ZNF462: variants seen among roughly 807,000 people sequenced by gnomAD.
ZNF462 encodes zinc finger PBX1-interacting protein.
A neutral mutation model predicts 201.9 loss-of-function variants in ZNF462; 10 were observed. The ratio of observed to expected loss-of-function variants is 0.05; its 90% CI spans 0.03 to 0.08. The LOEUF (loss-of-function observed/expected upper bound fraction) is 0.08, where lower values mean the gene tolerates loss of function less well. Among genes scored for constraint, ZNF462 ranks in the 10% least tolerant of loss-of-function variants. The probability of loss-of-function intolerance (pLI) is 1.00; values close to 1 mark genes in which losing one functional copy is unlikely to be tolerated. For synonymous variants in ZNF462, 1,227 were observed against 1,193.3 expected (o/e 1.03, Z -0.58); for missense variants, 2,523 against 3,168.3 (o/e 0.80, Z 4.89).
At chr9:106,892,962 G>A (rs1828653704) in intron 1 of ZNF462, among the ~76,000 whole-genome samples, 5 of 152,138 alleles carry the variant, frequency 3.3e-5, no homozygotes, top group Admixed American at 3.3e-4. Flanking sequence ...TTGGAACTAG[G>A]GGGAAGATGA....
intron 9 of ZNF462, chr9:106,976,305 A>G (rs1226344195): frequency 6.6e-6 from 1 of 152,200 alleles, no homozygotes; most frequent in Non-Finnish European, 1.5e-5. Flanking sequence ...AAAGAAACCC[A>G]CAGAAGCAAC....
rs1196162658 is a variant in ZNF462 at position 106,968,163 on chromosome 9, A to G, written c.6428-3842A>G. On this transcript the variant is annotated intron_variant, in intron 7 of 12. Coordinates refer to ENST00000277225, the MANE Select transcript of ZNF462 (RefSeq NM_021224.6). This position sits in a 1 kb window ranked among gnomAD's most constrained non-coding sequence, Gnocchi z 4.0. ...CACAAGACTCAGACTTTATAATCAG[A>G]CAGGTCTTTGTTCAAATCCTACCTC... 2.0e-5 allele frequency among the ~76,000 whole-genome samples: 3 copies of G among 152,146 alleles called. No individual in the cohort carries two copies. The highest frequency in any genetic ancestry group is 3.9e-4 in the East Asian group (2 of 5,176).
At chr9:106,897,229 T>C (rs1411550901) in intron 1 of ZNF462, among the ~76,000 whole-genome samples, 1 of 152,222 alleles carries the variant, frequency 6.6e-6, no homozygotes, top group Non-Finnish European at 1.5e-5. Flanking sequence ...TATATTTGCA[T>C]CATATTATTA....
chr9:106,929,848 C>T lies in ZNF462; in HGVS notation c.5847+89C>T. The T allele has an allele frequency of 6.5e-6, 8 of 1,230,924 alleles. No homozygotes were observed. The highest frequency in any genetic ancestry group is 9.1e-6 in the Non-Finnish European group (8 of 878,922). 76.3% of individuals were successfully genotyped at this position (1,230,924 alleles called of 1,614,324 possible). A position where few individuals can be genotyped will look rare whatever the true frequency, so the allele number is the denominator to read the frequency against. ...TTCTTCGTTGCCAGCCAAACTGCTG[C>T]AGGCTTCCTAGTGACTTAGCTTGCC... is the stretch of plus-strand genomic sequence containing the variant. On this transcript the variant is annotated intron_variant, in intron 3 of 12. Transcript: ENST00000277225. This position sits in a 1 kb window ranked among gnomAD's most constrained non-coding sequence, Gnocchi z 8.7.
At chr9:106,862,080 C>A (rs915276917), upstream of ZNF462, among the ~76,000 whole-genome samples, 2 of 152,170 alleles carry the variant, frequency 1.3e-5, no homozygotes, top group African/African-American at 2.4e-5. The surrounding 1 kb of genome is among the most constrained non-coding windows in gnomAD (Gnocchi z 4.2). Context: ...TCCACCCCCC[C>A]ACCTTCCATA....
At position 106,902,524 on chromosome 9, in the gene ZNF462, A is replaced by T. The variant is rs1378401336; in HGVS notation, c.-30-20830A>T. Among the ~76,000 whole-genome samples the T allele has an allele frequency of 6.6e-6, 1 of 152,166 alleles. No homozygotes were observed. Among genetic ancestry groups the T allele is most frequent in the East Asian group, 1.9e-4 (1 of 5,192 alleles). ...ACAAATTCTTTTTTGAATGTCTCGT[A>T]GAATTCTGCTGTGAATCCATCTGGT... On this transcript the variant is annotated intron_variant, in intron 1 of 12. Transcript: ENST00000277225. The surrounding 1 kb of genome is among the most constrained non-coding windows in gnomAD (Gnocchi z 4.2).
rs765298344 is a variant in ZNF462 at position 106,883,196 on chromosome 9, TAAGC to T, written c.-31+19846_-31+19849del. Among the ~76,000 whole-genome samples the T allele has an allele frequency of 1.4e-4, 21 of 152,362 alleles. No homozygotes were observed. Among genetic ancestry groups the T allele is most frequent in the Middle Eastern group, 3.4e-3 (1 of 294 alleles). On this transcript the variant is annotated intron_variant, in intron 1 of 12. Coordinates refer to ENST00000277225, the MANE Select transcript of ZNF462 (RefSeq NM_021224.6). The surrounding 1 kb of genome is among the most constrained non-coding windows in gnomAD (Gnocchi z 4.9). ...GACATATTCTGAAGAGCCAGCTCATTAAGCAAGCTTTTGAAGGGTGTGCGCTGCA... is the reference window on the plus strand; with the variant it reads ...GACATATTCTGAAGAGCCAGCTCATTAAGCTTTTGAAGGGTGTGCGCTGCA...
At chr9:106,915,929 A>G (rs558043711) in intron 1 of ZNF462, among the ~76,000 whole-genome samples, 150 of 152,324 alleles carry the variant, frequency 9.8e-4, no homozygotes, top group African/African-American at 3.5e-3. Flanking sequence ...GGGTTATTAC[A>G]TCAGGGGCTG....
rs377279010 is a variant in ZNF462, at chr9:106,925,937, C to T, written c.2025C>T (p.Ala675=). 2 of 1,613,984 alleles carry T rather than the reference C, an allele frequency of 1.2e-6. No homozygotes were observed. Among genetic ancestry groups the T allele is most frequent in the Non-Finnish European group, 1.7e-6 (2 of 1,180,030 alleles). The change falls in exon 3 of 13, where the codon GCC becomes GCT. Residue 675 remains alanine (A), a synonymous_variant. Coordinates refer to ENST00000277225, the MANE Select transcript of ZNF462 (RefSeq NM_021224.6). The surrounding 1 kb of genome is among the most constrained non-coding windows in gnomAD (Gnocchi z 7.9). Reference sequence around the variant, plus strand: ...CCAAGAACAATTTTGTAGCTAAAGCCTCTAGGAAGCTCGCCAATGACTTTC... The same window carrying T: ...CCAAGAACAATTTTGTAGCTAAAGCTTCTAGGAAGCTCGCCAATGACTTTC... ...LSSKNNFVAK[A]SRKLANDFPL...
intron 1 of ZNF462, among the ~76,000 whole-genome samples, chr9:106,881,160 C>G (rs1057355725): frequency 1.3e-5 from 2 of 152,160 alleles, no homozygotes; most frequent in African/African-American, 4.8e-5. Context: ...TGACCCTGCT[C>G]CATCATCAGT....
At chr9:106,896,474 AC>A (rs1015188998) in intron 1 of ZNF462, among the ~76,000 whole-genome samples, 4 of 151,900 alleles carry the variant, frequency 2.6e-5, no homozygotes, top group African/African-American at 9.7e-5. Context: ...CAGATTTCCC[AC>A]CTAATCTCGG....
chr9:106,924,753 G>A lies in ZNF462; in HGVS notation c.841G>A (p.Glu281Lys). 1 of 1,614,102 alleles carries A rather than the reference G, an allele frequency of 6.2e-7. No individual in the cohort carries two copies. The highest frequency in any genetic ancestry group is 8.5e-7 in the Non-Finnish European group (1 of 1,180,034). Residue 281 changes from glutamate to lysine, a missense_variant, in exon 3 of 13, where the codon GAA becomes AAA. Around this residue, in one of 15 missense-constraint regions of ZNF462, gnomAD observed 480 missense variants for 544.4 expected, o/e 0.88. Transcript: ENST00000277225. The surrounding 1 kb of genome is among the most constrained non-coding windows in gnomAD (Gnocchi z 6.2). ...KILSSLRQQQ[E>K]GTNLPDVPNK... Reference sequence around the variant, plus strand: ...CCTTTCCAGTCTCAGACAGCAACAAGAAGGAACTAATCTACCTGATGTGCC... The same window carrying A: ...CCTTTCCAGTCTCAGACAGCAACAAAAAGGAACTAATCTACCTGATGTGCC...
At chr9:106,915,739 A>G (rs1475276774) in intron 1 of ZNF462, among the ~76,000 whole-genome samples, 2 of 152,204 alleles carry the variant, frequency 1.3e-5, no homozygotes, top group African/African-American at 2.4e-5. Flanking sequence ...ACTTGAAAGC[A>G]TTTACGGTCT....
At chr9:106,875,239 C>A (rs1354475548) in intron 1 of ZNF462, among the ~76,000 whole-genome samples, 1 of 152,036 alleles carries the variant, frequency 6.6e-6, no homozygotes, top group Non-Finnish European at 1.5e-5. Context: ...TTGTCTGTGA[C>A]CATGCACATA....
intron 1 of ZNF462, among the ~76,000 whole-genome samples, chr9:106,863,872 G>A (rs1405453402): frequency 6.6e-6 from 1 of 151,968 alleles, no homozygotes; most frequent in Non-Finnish European, 1.5e-5. Context: ...CAGAGGGAGC[G>A]AGCGAGGGTC....
chr9:106,971,809 A>G (rs905581663), intron 7 of ZNF462, among the ~76,000 whole-genome samples, 196 bp from the exon 8 acceptor site: 1 of 152,170 alleles, frequency 6.6e-6, no homozygotes, highest in African/African-American at 2.4e-5. Context: ...CATTAAATTG[A>G]TTGTGGTCAT....
chr9:106,914,022 C>T (rs1829662776), intron 1 of ZNF462, among the ~76,000 whole-genome samples: 1 of 116,408 alleles, frequency 8.6e-6, no homozygotes, highest in African/African-American at 3.8e-5. Context: ...CATGCCTTCG[C>T]CTAGGATTTT....
chr9:106,908,943 T>TATATA (rs1564090931), intron 1 of ZNF462, among the ~76,000 whole-genome samples: 3 of 17,686 alleles, frequency 1.7e-4, no homozygotes, highest in Non-Finnish European at 2.1e-4. Flanking sequence ...ATATATATAT[T>TATATA]TTTTTTTTTT....
Position 106,926,194 on chromosome 9 carries a change from G to C in ZNF462, c.2282G>C (p.Trp761Ser), listed in dbSNP as rs780305379. The change falls in exon 3 of 13, where the codon TGG (tryptophan) becomes TCG (serine). Residue 761 changes from tryptophan to serine, a missense_variant. By Grantham distance (177) the Trp-to-Ser change is radical (BLOSUM62 -3). Transcript: ENST00000277225. This position sits in a 1 kb window ranked among gnomAD's most constrained non-coding sequence, Gnocchi z 7.9. ...ACTTCCTTTTCTGCCCAACAGATAT[G>C]GGTAAGAGATACCAGTGAGCCCCAG... ...VPTSFSAQQI[W>S]VRDTSEPQKE... 1.9e-6 allele frequency: 3 copies of C among 1,614,154 alleles called. No individual in the cohort carries two copies. Among genetic ancestry groups the C allele is most frequent in the Non-Finnish European group, 1.7e-6 (2 of 1,180,028 alleles).
Sources: allele counts gnomAD v4.1 joint callset (sites outside exome capture counted in the v4.1 genomes callset), GRCh38; gene constraint gnomAD v4.1.1; regional missense constraint gnomAD v4.1.1; non-coding constraint Gnocchi (gnomAD v3.1); transcripts MANE v1.5; gene names NCBI Gene and HGNC (gene_info 2026-07-23, HGNC 2026-07-21).